Variants in EYS observed in about 807,000 individuals in gnomAD.
EYS encodes the protein EGF-like photoreceptor maintenance factor, also known as protein eyes shut homolog.
In EYS, 250 loss-of-function variants were observed where a neutral mutation model predicts 282.1. That is an observed-to-expected ratio of 0.89 (90% CI 0.80 to 0.98). The LOEUF is 0.98. Among genes scored for constraint, EYS ranks in the 50% least tolerant of loss-of-function variants. The pLI is 0.00. For synonymous variants in EYS, 1,355 were observed against 1,282.9 expected, an observed-to-expected ratio of 1.06 and a Z score of -1.20; for missense variants, 4,016 against 3,709.0, an observed-to-expected ratio of 1.08 and a Z score of -2.15.
intron 28 of EYS, among the ~76,000 whole-genome samples, chr6:64,422,423 G>A (rs2150452740): frequency 6.6e-6 from 1 of 152,234 alleles, no homozygotes; most frequent in South Asian, 2.1e-4. Flanking sequence ...TAAGGGCAAT[G>A]GTGGACAAGG....
chr6:64,071,986 C>A (rs541767244), intron 32 of EYS, among the ~76,000 whole-genome samples: 70 of 151,760 alleles, frequency 4.6e-4, no homozygotes, highest in African/African-American at 1.6e-3. Context: ...ACATATAGAG[C>A]CGGGGGGACA....
intron 26 of EYS, among the ~76,000 whole-genome samples, chr6:64,589,077 C>G (rs951293939): frequency 1.3e-5 from 2 of 151,892 alleles, no homozygotes; most frequent in Non-Finnish European, 2.9e-5. Context: ...TACCAAGAAC[C>G]TTATATGTGA....
intron 12 of EYS, among the ~76,000 whole-genome samples, chr6:65,128,055 G>T (rs886258386): frequency 6.6e-6 from 1 of 151,854 alleles, no homozygotes; most frequent in African/African-American, 2.4e-5. Flanking sequence ...AAGTAAATCT[G>T]GTCTTCCAGT....
chr6:64,569,444 A>G (rs1765652449), intron 26 of EYS, among the ~76,000 whole-genome samples: 1 of 151,992 alleles, frequency 6.6e-6, no homozygotes, highest in African/African-American at 2.4e-5. Context: ...AGATTAGAGA[A>G]AAAAGAATGA....
intron 30 of EYS, among the ~76,000 whole-genome samples, chr6:64,236,564 C>G (rs1766613237): frequency 6.6e-6 from 1 of 152,154 alleles, no homozygotes. Flanking sequence ...TTCAAGTTCT[C>G]CATATCCTTG....
chr6:63,864,185 C>T lies in EYS; in HGVS notation c.7228+1G>A, dbSNP rs758899480. ...CATGTTTAATAATCAAATGCTCTTACCATCAGTGCAGAGGGGTCCAGACCT... is the reference window on the plus strand; with the variant it reads ...CATGTTTAATAATCAAATGCTCTTATCATCAGTGCAGAGGGGTCCAGACCT... On this transcript the variant is annotated splice_donor_variant, in intron 36 of 42. Transcript: ENST00000503581. LOFTEE classifies it high-confidence loss of function. 11 of 1,477,984 alleles carry T rather than the reference C, an allele frequency of 7.4e-6. No individual in the cohort carries two copies. The East Asian group carries it at 1.8e-4, about 24-fold the overall frequency. 91.6% of individuals were successfully genotyped at this position (1,477,984 alleles called of 1,614,324 possible).
intron 5 of EYS, among the ~76,000 whole-genome samples, chr6:65,464,565 A>G (rs1169570179): frequency 6.6e-6 from 1 of 152,194 alleles, no homozygotes; most frequent in Non-Finnish European, 1.5e-5. Context: ...ATCATCTAAA[A>G]GAAAGTAAAA....
At chr6:64,169,948 C>G (rs1044437569) in intron 31 of EYS, among the ~76,000 whole-genome samples, 1 of 152,102 alleles carries the variant, frequency 6.6e-6, no homozygotes, top group Admixed American at 6.5e-5. Context: ...GGTATTTAAA[C>G]CCCTTGCTTG....
At chr6:65,547,955 A>G (rs1236716705) in intron 2 of EYS, among the ~76,000 whole-genome samples, 1 of 152,140 alleles carries the variant, frequency 6.6e-6, no homozygotes, top group Non-Finnish European at 1.5e-5. Flanking sequence ...AGACTCTCCA[A>G]ATTCCCATTC....
intron 5 of EYS, among the ~76,000 whole-genome samples, chr6:65,410,217 C>G: frequency 6.6e-6 from 1 of 152,132 alleles, no homozygotes; most frequent in South Asian, 2.1e-4. Flanking sequence ...ATTCTTAAAA[C>G]AAAACCTGAA....
At chr6:64,496,501 T>G (rs1776893294) in intron 26 of EYS, among the ~76,000 whole-genome samples, 1 of 151,992 alleles carries the variant, frequency 6.6e-6, no homozygotes, top group Non-Finnish European at 1.5e-5. Context: ...TCAAAGTCAT[T>G]TTATATTTTT....
chr6:65,038,043 T>C (rs1197498777), intron 13 of EYS, among the ~76,000 whole-genome samples: 1 of 151,596 alleles, frequency 6.6e-6, no homozygotes, highest in East Asian at 1.9e-4. Context: ...CAAGAATGCA[T>C]GGCAAAAAGG....
chr6:63,866,249 G>T (rs184705940), intron 35 of EYS, among the ~76,000 whole-genome samples: 1 of 152,094 alleles, frequency 6.6e-6, no homozygotes, highest in Admixed American at 6.6e-5. Flanking sequence ...TAAAGTATAC[G>T]TTAGAAACTT....
intron 28 of EYS, among the ~76,000 whole-genome samples, chr6:64,398,084 A>G (rs1773432691): frequency 6.6e-6 from 1 of 151,858 alleles, no homozygotes; most frequent in Non-Finnish European, 1.5e-5. Context: ...TTATCTTTAA[A>G]CTTTTAATAA....
At chr6:65,174,511 A>G (rs957529474) in intron 12 of EYS, among the ~76,000 whole-genome samples, 3 of 151,352 alleles carry the variant, frequency 2.0e-5, no homozygotes, top group Non-Finnish European at 4.4e-5. Context: ...CCAATCACTG[A>G]TGATTTATGA....
chr6:64,255,730 T>C (rs1408441021), intron 30 of EYS, among the ~76,000 whole-genome samples: 1 of 152,048 alleles, frequency 6.6e-6, no homozygotes, highest in Non-Finnish European at 1.5e-5. Context: ...TATGTTTGTG[T>C]TTGAACACAC....
At chr6:63,906,331 A>G (rs560992900) in intron 35 of EYS, among the ~76,000 whole-genome samples, 28 of 152,350 alleles carry the variant, frequency 1.8e-4, no homozygotes, top group African/African-American at 6.5e-4. Flanking sequence ...TCCACAAATT[A>G]CGGCACCTAT....
chr6:64,457,710 T>C (rs1210669501), intron 26 of EYS, among the ~76,000 whole-genome samples: 1 of 152,034 alleles, frequency 6.6e-6, no homozygotes, highest in African/African-American at 2.4e-5. Flanking sequence ...GAAATATCTT[T>C]TTTCAGTTCT....
At chr6:65,503,005 T>C (rs1319576954) in intron 2 of EYS, among the ~76,000 whole-genome samples, 1 of 151,696 alleles carries the variant, frequency 6.6e-6, no homozygotes, top group Non-Finnish European at 1.5e-5. Context: ...TTCTTTGGAA[T>C]GTAATAAACT....
Sources: gnomAD v4.1 joint callset for allele counts (sites outside exome capture counted in the v4.1 genomes callset) on GRCh38, gnomAD v4.1.1 for gene constraint, MANE v1.5 for transcripts, NCBI Gene and HGNC (gene_info 2026-07-23, HGNC 2026-07-21) for gene names.